The following PPP2R2B variants were observed in gnomAD, a reference collection of about 807,000 sequenced individuals.
PPP2R2B encodes serine/threonine-protein phosphatase 2A 55 kDa regulatory subunit B beta isoform.
PPP2R2B carries 5 observed loss-of-function variants against 46.0 expected under a neutral mutation model. That is an observed-to-expected ratio of 0.11 (90% CI 0.06 to 0.23). The LOEUF is 0.23. PPP2R2B is among the 10% of genes least tolerant of loss of function. The probability of loss-of-function intolerance (pLI) is 1.00; values close to 1 mark genes in which losing one functional copy is unlikely to be tolerated. For missense variants in PPP2R2B, 367 were observed against 575.0 expected, an observed-to-expected ratio of 0.64 and a Z score of 3.70; for synonymous variants, 215 against 206.7, an observed-to-expected ratio of 1.04 and a Z score of -0.34.
At chr5:146,660,797 A>T (rs2151107545) in intron 5 of PPP2R2B, among the ~76,000 whole-genome samples, 1 of 152,348 alleles carries the variant, frequency 6.6e-6, no homozygotes, top group South Asian at 2.1e-4. Flanking sequence ...TCTTAGAATT[A>T]TATTCTTTCA....
intron 1 of PPP2R2B, among the ~76,000 whole-genome samples, chr5:147,036,437 C>T (rs1056198897): frequency 2.6e-5 from 4 of 152,130 alleles, no homozygotes; most frequent in Non-Finnish European, 4.4e-5. Flanking sequence ...TAGGTTGACT[C>T]CATGTCTTTG....
intron 1 of PPP2R2B, among the ~76,000 whole-genome samples, chr5:146,979,244 T>A (rs1439629962): frequency 1.3e-5 from 2 of 152,180 alleles, no homozygotes; most frequent in African/African-American, 4.8e-5. Context: ...TTCATTTACA[T>A]TTCTGAGAAC....
chr5:146,661,944 T>C (rs895216520), intron 5 of PPP2R2B, among the ~76,000 whole-genome samples: 3 of 152,180 alleles, frequency 2.0e-5, no homozygotes, highest in African/African-American at 7.2e-5. Flanking sequence ...CATTTATAGC[T>C]GGGGAGAGTG....
intron 1 of PPP2R2B, among the ~76,000 whole-genome samples, chr5:146,980,711 A>G (rs1753131354): frequency 6.6e-6 from 1 of 152,164 alleles, no homozygotes; most frequent in African/African-American, 2.4e-5. Context: ...ATTGATTTAC[A>G]GTATCTTTTG....
Position 146,617,698 on chromosome 5 carries a change from C to CTTT in PPP2R2B, c.791-17241_791-17239dup, listed in dbSNP as rs537190222. On this transcript the variant is annotated intron_variant, in intron 7 of 9. Coordinates refer to ENST00000394411, the MANE Select transcript of PPP2R2B (RefSeq NM_181675.4). ...TCCTCTCATCTCTCTCTCTCTCTCT[C>CTTT]TTTTTTTTTTTTTTGAAGCAGAGTC... Among the ~76,000 whole-genome samples, 920 of 141,708 alleles carry CTTT rather than the reference C, an allele frequency of 6.5e-3. 16 individuals carry two copies. The highest frequency in any genetic ancestry group is 0.022 in the African/African-American group (817 of 37,816). The allele number at this position is 141,708 out of a possible 152,430, so 93.0% of individuals were successfully genotyped here. A position where few individuals can be genotyped will look rare whatever the true frequency, so the allele number is the denominator to read the frequency against.
chr5:146,715,305 T>C (rs553454534), intron 2 of PPP2R2B, among the ~76,000 whole-genome samples: 1 of 152,296 alleles, frequency 6.6e-6, no homozygotes, highest in African/African-American at 2.4e-5. Flanking sequence ...AGGTAGAGAA[T>C]TGCAACTGTC....
chr5:146,596,772 TCAGGAGACAGGAACACTAAA>T (rs1771214068), intron 8 of PPP2R2B, among the ~76,000 whole-genome samples: 1 of 152,144 alleles, frequency 6.6e-6, no homozygotes. Flanking sequence ...GAGGTAGGAT[TCAGGAGACAGGAACACTAAA>T]TAACAGGGAG....
chr5:146,681,033 C>G (rs1342677869), intron 5 of PPP2R2B, among the ~76,000 whole-genome samples: 1 of 152,164 alleles, frequency 6.6e-6, no homozygotes, highest in East Asian at 1.9e-4. Flanking sequence ...ATATTTTTCT[C>G]TGGTAAGGAC....
intron 2 of PPP2R2B, among the ~76,000 whole-genome samples, chr5:146,838,826 A>T (rs916828540): frequency 3.9e-5 from 6 of 152,182 alleles, no homozygotes; most frequent in African/African-American, 9.7e-5. Context: ...TTTTCTTGAA[A>T]TAAGAAACAA....
At chr5:146,765,698 G>T (rs980842502) in intron 2 of PPP2R2B, among the ~76,000 whole-genome samples, 9 of 152,164 alleles carry the variant, frequency 5.9e-5, no homozygotes, top group African/African-American at 1.7e-4. Context: ...TTAGAACTTG[G>T]TTTTCTCATC....
At chr5:146,625,425 T>C (rs1581743404) in intron 7 of PPP2R2B, among the ~76,000 whole-genome samples, 1 of 152,206 alleles carries the variant, frequency 6.6e-6, no homozygotes, top group African/African-American at 2.4e-5. Flanking sequence ...CAGATGCAAA[T>C]TTATCAGATT....
chr5:146,609,947 C>G (rs1293202860), intron 7 of PPP2R2B, among the ~76,000 whole-genome samples: 1 of 145,444 alleles, frequency 6.9e-6, no homozygotes, highest in Non-Finnish European at 1.5e-5. Flanking sequence ...CCCAGGCTTG[C>G]TTAGGTAAAC....
At chr5:146,650,876 A>G (rs974478657) in intron 5 of PPP2R2B, 152 bp from the exon 6 acceptor site, 9 of 676,726 alleles carry the variant, frequency 1.3e-5, no homozygotes, top group Admixed American at 3.2e-5. Flanking sequence ...AACGAATCAC[A>G]CACTGTTCTT....
At chr5:146,593,821 T>G (rs996882905) in intron 8 of PPP2R2B, among the ~76,000 whole-genome samples, 85 of 152,256 alleles carry the variant, frequency 5.6e-4, no homozygotes, top group Non-Finnish European at 2.5e-4. Flanking sequence ...GGCCCTTTAT[T>G]CTGAGGAAGA....
chr5:146,893,704 G>C (rs966515589), intron 1 of PPP2R2B, among the ~76,000 whole-genome samples: 7 of 152,056 alleles, frequency 4.6e-5, no homozygotes, highest in East Asian at 1.9e-4. Flanking sequence ...TCACATACCA[G>C]AGGCTGTCAG....
At chr5:146,774,736 G>A (rs1464409185) in intron 2 of PPP2R2B, among the ~76,000 whole-genome samples, 1 of 151,484 alleles carries the variant, frequency 6.6e-6, no homozygotes, top group Non-Finnish European at 1.5e-5. Flanking sequence ...ATAATCGCTT[G>A]AGCCTGGGAG....
In PPP2R2B at chr5:146,829,842, A is replaced by C. The variant is rs182958945; in HGVS notation, c.70+48160T>G. On this transcript the variant is annotated intron_variant, in intron 2 of 9. Transcript: ENST00000394411. ...AACAGGCCTAAAATTTTGATAATCT[A>C]TTTTCATTGCAGGCAAATTGGCTAG... is the stretch of plus-strand genomic sequence containing the variant. Among the ~76,000 whole-genome samples, 20 of 152,148 alleles carry C rather than the reference A, an allele frequency of 1.3e-4. No individual in the cohort carries two copies. In the East Asian group the frequency reaches 3.9e-3, roughly 29 times the overall value.
At chr5:146,777,426 T>C (rs746415103) in intron 2 of PPP2R2B, among the ~76,000 whole-genome samples, 64 of 152,020 alleles carry the variant, frequency 4.2e-4, no homozygotes, top group Non-Finnish European at 4.7e-4. Flanking sequence ...GGCAAACTCA[T>C]AGAGATAGAA....
chr5:146,732,402 G>A (rs1295759159), intron 2 of PPP2R2B, among the ~76,000 whole-genome samples: 2 of 152,154 alleles, frequency 1.3e-5, no homozygotes, highest in East Asian at 3.9e-4. Context: ...TTTTTCCACA[G>A]AGCAAGTGAA....
Sources: allele counts gnomAD v4.1 joint callset (sites outside exome capture counted in the v4.1 genomes callset), GRCh38; gene constraint gnomAD v4.1.1; transcripts MANE v1.5; gene names NCBI Gene and HGNC (gene_info 2026-07-23, HGNC 2026-07-21).